Variants in GRM1 observed in about 807,000 individuals in gnomAD.
The protein encoded by GRM1 is glutamate metabotropic receptor 1.
In GRM1, 33 loss-of-function variants were observed where a neutral mutation model predicts 90.9. The observed-to-expected ratio is 0.36, with a 90% CI of 0.28 to 0.49. The LOEUF (loss-of-function observed/expected upper bound fraction) is 0.49. Among genes scored for constraint, GRM1 ranks in the 20% least tolerant of loss-of-function variants. The pLI is 0.99. For synonymous variants in GRM1, 700 were observed against 613.2 expected (o/e 1.14, Z -2.09); for missense variants, 1,190 against 1,534.3 (o/e 0.78, Z 3.75).
intron 2 of GRM1, among the ~76,000 whole-genome samples, chr6:146,195,110 G>A (rs562463506): frequency 2.0e-4 from 30 of 152,106 alleles, no homozygotes; most frequent in African/African-American, 7.0e-4. Context: ...CATATTAATA[G>A]TACATGTTTT....
chr6:146,379,481 T>A (rs141487779), intron 5 of GRM1, among the ~76,000 whole-genome samples: 2,743 of 152,286 alleles, frequency 0.018, 75 homozygotes, highest in African/African-American at 0.063. Flanking sequence ...ATTCCTTCTC[T>A]GTGTTATCTT....
intron 7 of GRM1, among the ~76,000 whole-genome samples, chr6:146,409,891 A>C (rs79330731): frequency 0.013 from 1,935 of 152,322 alleles, 46 homozygotes; most frequent in African/African-American, 0.044. Flanking sequence ...ATGCTGCTCC[A>C]GGTAATGAAA....
At chr6:146,314,025 G>T in intron 3 of GRM1, among the ~76,000 whole-genome samples, 1 of 124,880 alleles carries the variant, frequency 8.0e-6, no homozygotes, top group African/African-American at 3.1e-5. Flanking sequence ...ATTCATGATT[G>T]CACTGTATAT....
intron 1 of GRM1, among the ~76,000 whole-genome samples, chr6:146,067,401 CATAT>C (rs1430280506): frequency 6.6e-6 from 1 of 152,090 alleles, no homozygotes; most frequent in African/African-American, 2.4e-5. Context: ...AAGTCTTAGA[CATAT>C]ATTTTACTTC....
At chr6:146,220,257 T>G (rs1053222453) in intron 2 of GRM1, among the ~76,000 whole-genome samples, 7 of 152,194 alleles carry the variant, frequency 4.6e-5, no homozygotes, top group African/African-American at 1.7e-4. Context: ...TAATTTTGAA[T>G]TCTGTCACTT....
At chr6:146,194,734 T>G (rs4895690) in intron 2 of GRM1, among the ~76,000 whole-genome samples, 6,742 of 152,244 alleles carry the variant, frequency 0.044, 179 homozygotes, top group Admixed American at 0.062. Flanking sequence ...TGAACTCACA[T>G]GGCACTAAGT....
chr6:146,358,313 G>A (rs777383361), intron 5 of GRM1, among the ~76,000 whole-genome samples: 98 of 152,168 alleles, frequency 6.4e-4, no homozygotes, highest in Non-Finnish European at 1.2e-3. Flanking sequence ...AATCCTCGGC[G>A]GGGTGTGCTA....
intron 7 of GRM1, among the ~76,000 whole-genome samples, chr6:146,406,609 AC>A (rs1193124920): frequency 6.6e-6 from 1 of 152,060 alleles, no homozygotes; most frequent in Non-Finnish European, 1.5e-5. Context: ...TGGGTGAATC[AC>A]CTGAGGTCAG....
At chr6:146,241,819 T>C (rs1458835996) in intron 2 of GRM1, among the ~76,000 whole-genome samples, 1 of 152,192 alleles carries the variant, frequency 6.6e-6, no homozygotes, top group East Asian at 1.9e-4. Flanking sequence ...ATAGTGGTTT[T>C]ATAAACCTAT....
At chr6:146,246,478 G>A (rs1781063551) in intron 2 of GRM1, among the ~76,000 whole-genome samples, 1 of 152,148 alleles carries the variant, frequency 6.6e-6, no homozygotes, top group African/African-American at 2.4e-5. Flanking sequence ...TACACTCTCA[G>A]CAAGAGAAGA....
chr6:146,103,921 C>T (rs1400891251), intron 1 of GRM1, among the ~76,000 whole-genome samples: 3 of 152,036 alleles, frequency 2.0e-5, no homozygotes, highest in African/African-American at 7.2e-5. Flanking sequence ...ATTAAAATTG[C>T]CCAGGTATCC....
At chr6:146,195,491 T>A (rs539075137) in intron 2 of GRM1, among the ~76,000 whole-genome samples, 46 of 152,290 alleles carry the variant, frequency 3.0e-4, no homozygotes, top group African/African-American at 1.1e-3. Flanking sequence ...CTCTTTCTTT[T>A]CACCCAGCCT....
At chr6:146,105,923 C>T (rs1040274387) in intron 1 of GRM1, among the ~76,000 whole-genome samples, 10 of 152,132 alleles carry the variant, frequency 6.6e-5, no homozygotes, top group African/African-American at 2.2e-4. Flanking sequence ...AAGCTTGGGT[C>T]TCTCACCTCT....
intron 2 of GRM1, among the ~76,000 whole-genome samples, chr6:146,245,795 C>A (rs1285044920): frequency 6.6e-6 from 1 of 152,134 alleles, no homozygotes; most frequent in East Asian, 1.9e-4. Flanking sequence ...CTGTTTAAAT[C>A]TTACAAGAAA....
At chr6:146,416,411 A>G (rs1428550015) in intron 7 of GRM1, among the ~76,000 whole-genome samples, 2 of 151,886 alleles carry the variant, frequency 1.3e-5, no homozygotes, top group African/African-American at 4.8e-5. Context: ...TATGGTTATC[A>G]TAGAAATTAC....
chr6:146,378,785 T>C (rs1776207123), intron 5 of GRM1, among the ~76,000 whole-genome samples: 1 of 152,136 alleles, frequency 6.6e-6, no homozygotes. Flanking sequence ...GGTCTTGAAA[T>C]GTGAAGACAT....
At chr6:146,085,311 T>A (rs189683138) in intron 1 of GRM1, among the ~76,000 whole-genome samples, 97 of 152,218 alleles carry the variant, frequency 6.4e-4, no homozygotes, top group East Asian at 3.3e-3. Flanking sequence ...AAATGGCTTC[T>A]GCTTTGCCAC....
intron 1 of GRM1, among the ~76,000 whole-genome samples, chr6:146,033,806 TA>T (rs1418045287): frequency 6.6e-6 from 1 of 152,002 alleles, no homozygotes; most frequent in Non-Finnish European, 1.5e-5. Context: ...ATAAAACAAT[TA>T]AAAAGTCTAA....
chr6:146,120,981 T>G (rs1775964625), intron 1 of GRM1, among the ~76,000 whole-genome samples: 3 of 152,236 alleles, frequency 2.0e-5, no homozygotes, highest in Admixed American at 2.0e-4. Flanking sequence ...TCCCTCTTTT[T>G]CTATTGATTG....
Sources: allele counts gnomAD v4.1 joint callset (sites outside exome capture counted in the v4.1 genomes callset), GRCh38; gene constraint gnomAD v4.1.1; transcripts MANE v1.5; gene names NCBI Gene and HGNC (gene_info 2026-07-23, HGNC 2026-07-21).